The following TMTC1 variants were observed in gnomAD, a reference collection of about 807,000 sequenced individuals.
TMTC1 encodes protein O-mannosyl-transferase TMTC1.
In TMTC1, 73 loss-of-function variants were observed where a neutral mutation model predicts 104.8. The ratio of observed to expected loss-of-function variants is 0.70; its 90% CI spans 0.58 to 0.85. The LOEUF is 0.85. Ranked by LOEUF, TMTC1 falls within the 40% of genes least tolerant of loss-of-function variation. The pLI is 0.00. For synonymous variants in TMTC1, 434 were observed against 428.7 expected, an observed-to-expected ratio of 1.01 and a Z score of -0.15; for missense variants, 1,035 against 1,096.1, an observed-to-expected ratio of 0.94 and a Z score of 0.79.
chr12:29,751,596 G>A (rs1321368330), intron 5 of TMTC1, 70 bp downstream of exon 5: 78 of 1,537,734 alleles, frequency 5.1e-5, no homozygotes, highest in Non-Finnish European at 6.8e-5. Context: ...ACTTCCCCAG[G>A]CATCCCAGGC....
intron 8 of TMTC1, among the ~76,000 whole-genome samples, chr12:29,573,308 C>G (rs1232991481): frequency 6.6e-6 from 1 of 151,904 alleles, no homozygotes; most frequent in Non-Finnish European, 1.5e-5. Flanking sequence ...TAATGCAGGC[C>G]CAAGCAGAAT....
At chr12:29,641,324 C>T (rs1019606212) in intron 5 of TMTC1, 1 of 152,364 alleles carries the variant, frequency 6.6e-6, no homozygotes, top group African/African-American at 2.4e-5. Context: ...AGCTAAGAAC[C>T]CTCATGGAGT....
chr12:29,540,957 T>A (rs1944780574), intron 10 of TMTC1, among the ~76,000 whole-genome samples: 2 of 151,868 alleles, frequency 1.3e-5, no homozygotes, highest in South Asian at 4.2e-4. Context: ...ATCACGCCAC[T>A]GCACTCCAGC....
intron 5 of TMTC1, among the ~76,000 whole-genome samples, chr12:29,663,019 C>A (rs1275390774): frequency 6.6e-6 from 1 of 152,218 alleles, no homozygotes; most frequent in African/African-American, 2.4e-5. Context: ...GCTCTCACAA[C>A]CCACGGGGAT....
At chr12:29,522,901 T>C (rs1288884630) in intron 11 of TMTC1, among the ~76,000 whole-genome samples, 1 of 152,172 alleles carries the variant, frequency 6.6e-6, no homozygotes, top group Non-Finnish European at 1.5e-5. Flanking sequence ...TTGAAACACT[T>C]AGAACAATGC....
chr12:29,638,444 C>T (rs549374485), intron 5 of TMTC1, among the ~76,000 whole-genome samples: 42 of 152,254 alleles, frequency 2.8e-4, no homozygotes, highest in African/African-American at 9.6e-4. Context: ...AGAGCTACTT[C>T]TACCACTCAA....
intron 5 of TMTC1, among the ~76,000 whole-genome samples, chr12:29,710,812 TAA>T: frequency 1.9e-5 from 1 of 53,146 alleles, no homozygotes; most frequent in South Asian, 8.6e-4. Flanking sequence ...TATTTATATA[TAA>T]TATAATGTTT....
At chr12:29,723,315 T>G (rs1942291179) in intron 5 of TMTC1, among the ~76,000 whole-genome samples, 1 of 152,184 alleles carries the variant, frequency 6.6e-6, no homozygotes, top group South Asian at 2.1e-4. Flanking sequence ...CATAAAATAA[T>G]GAAGACAACT....
Position 29,502,005 on chromosome 12 carries a change from A to T in TMTC1, c.*4841T>A, listed in dbSNP as rs1943604745. The T allele has an allele frequency of 6.6e-6, 1 of 151,516 alleles. No homozygotes were observed. Among genetic ancestry groups the T allele is most frequent in the South Asian group, 2.1e-4 (1 of 4,818 alleles). 9.4% of individuals were successfully genotyped at this position (151,516 alleles called of 1,614,324 possible). ...ATTCAGCATATTTTCCTTTTGCATC[A>T]AAAACGTCAAGAATAATCATAAAAT... is the stretch of plus-strand genomic sequence containing the variant. On this transcript the variant is annotated 3_prime_UTR_variant, in exon 18 of 18. Coordinates refer to ENST00000539277, the MANE Select transcript of TMTC1 (RefSeq NM_001193451.2).
chr12:29,579,235 G>C (rs1473535821), intron 8 of TMTC1, among the ~76,000 whole-genome samples: 1 of 152,100 alleles, frequency 6.6e-6, no homozygotes, highest in African/African-American at 2.4e-5. Flanking sequence ...TATATGATTG[G>C]CAAGCAAAAC....
chr12:29,653,964 A>C (rs778015928), intron 5 of TMTC1, among the ~76,000 whole-genome samples: 6 of 152,228 alleles, frequency 3.9e-5, no homozygotes, highest in Non-Finnish European at 7.3e-5. Flanking sequence ...GCACAAACTA[A>C]AGTTTTGTAT....
At chr12:29,781,587 G>A (rs1427741714) in intron 1 of TMTC1, among the ~76,000 whole-genome samples, 1 of 152,186 alleles carries the variant, frequency 6.6e-6, no homozygotes, top group Non-Finnish European at 1.5e-5. Context: ...AGCACACTGG[G>A]AGGCTGAGGC....
intron 5 of TMTC1, among the ~76,000 whole-genome samples, chr12:29,708,390 C>A (rs7964131): frequency 1 from 152,133 of 152,322 alleles, 75,972 homozygotes; most frequent in Middle Eastern, 1. Flanking sequence ...GCAAATGTCT[C>A]TTATAATAGA....
At chr12:29,741,748 G>C (rs936594760) in intron 5 of TMTC1, among the ~76,000 whole-genome samples, 1 of 152,202 alleles carries the variant, frequency 6.6e-6, no homozygotes, top group Non-Finnish European at 1.5e-5. Flanking sequence ...GCGTTTTAAT[G>C]CTCAAGACAT....
chr12:29,708,941 T>C (rs762101713), intron 5 of TMTC1, among the ~76,000 whole-genome samples: 21 of 152,142 alleles, frequency 1.4e-4, no homozygotes, highest in Admixed American at 5.2e-4. Flanking sequence ...CTCCTAAACA[T>C]AGGAGTATAA....
intron 5 of TMTC1, among the ~76,000 whole-genome samples, chr12:29,644,556 A>G (rs1011638595): frequency 1.3e-5 from 2 of 152,182 alleles, no homozygotes; most frequent in Middle Eastern, 3.4e-3. Context: ...AAGACAGAAA[A>G]CTCAGAATAG....
At chr12:29,698,424 A>G (rs994095927) in intron 5 of TMTC1, among the ~76,000 whole-genome samples, 1 of 152,102 alleles carries the variant, frequency 6.6e-6, no homozygotes, top group Non-Finnish European at 1.5e-5. Context: ...TAGTCTATCT[A>G]TTGTCAGTAC....
At chr12:29,514,144 G>T (rs1943917507) in intron 16 of TMTC1, among the ~76,000 whole-genome samples, 1 of 152,136 alleles carries the variant, frequency 6.6e-6, no homozygotes, top group Non-Finnish European at 1.5e-5. Flanking sequence ...GAATGTCCAA[G>T]GCTTTTCAGG....
At chr12:29,536,507 T>C (rs538210836) in intron 10 of TMTC1, among the ~76,000 whole-genome samples, 190 bp from the exon 11 acceptor site, 29 of 152,336 alleles carry the variant, frequency 1.9e-4, no homozygotes, top group Middle Eastern at 3.4e-3. Flanking sequence ...GAATTCTCCA[T>C]GGAAAGAGAT....
Sources: gnomAD v4.1 joint callset for allele counts (sites outside exome capture counted in the v4.1 genomes callset) on GRCh38, gnomAD v4.1.1 for gene constraint, MANE v1.5 for transcripts, NCBI Gene and HGNC (gene_info 2026-07-23, HGNC 2026-07-21) for gene names.